CFAP99: variants seen among roughly 807,000 people sequenced by gnomAD.
CFAP99 encodes the protein cilia and flagella associated protein 99.
CFAP99 carries 84 observed loss-of-function variants against 82.7 expected under a neutral mutation model. The ratio of observed to expected loss-of-function variants is 1.02; its 90% confidence interval spans 0.85 to 1.22. The LOEUF (loss-of-function observed/expected upper bound fraction) is 1.22, where lower values mean the gene tolerates loss of function less well. Among genes scored for constraint, CFAP99 ranks in the 50% most tolerant of loss-of-function variants. The pLI, the probability that CFAP99 is intolerant of heterozygous loss-of-function variation, is 0.00. For synonymous variants in CFAP99, 456 were observed against 429.5 expected (o/e 1.06, Z -0.76); for missense variants, 1,059 against 983.5 (o/e 1.08, Z -1.03).
At chr4:2,437,670 C>T (rs1191169138) in intron 3 of CFAP99, among the ~76,000 whole-genome samples, 3 of 152,312 alleles carry the variant, frequency 2.0e-5, no homozygotes, top group Non-Finnish European at 4.4e-5. Flanking sequence ...TGATGCGCAG[C>T]GCGTCCAGGC....
At chr4:2,444,203 G>A (rs1035459845) in intron 5 of CFAP99, among the ~76,000 whole-genome samples, 1 of 152,106 alleles carries the variant, frequency 6.6e-6, no homozygotes, top group Non-Finnish European at 1.5e-5. Flanking sequence ...CCTACCTTGT[G>A]CCCCAGGCTA....
chr4:2,454,581 CTTTTTTTTTTTTGTTTT>C (rs1459688913), intron 11 of CFAP99, among the ~76,000 whole-genome samples: 5 of 94,728 alleles, frequency 5.3e-5, no homozygotes, highest in Admixed American at 1.1e-4. Context: ...TGTTTTTTTT[CTTTTTTTTTTTTGTTTT>C]TTTTTTTTTT....
At chr4:2,459,151 G>A in exon 13 of CFAP99, 1 of 1,535,130 alleles carries the variant, frequency 6.5e-7, no homozygotes, top group Non-Finnish European at 8.7e-7. Flanking sequence ...GCAGCGCAGG[G>A]CGCAGGCAGC....
intron 11 of CFAP99, among the ~76,000 whole-genome samples, chr4:2,454,923 C>A (rs1031351247): frequency 4.0e-5 from 6 of 149,504 alleles, no homozygotes; most frequent in Non-Finnish European, 1.5e-5. Flanking sequence ...TGCCCGGCCA[C>A]AGTTTTTCTT....
intron 14 of CFAP99, among the ~76,000 whole-genome samples, chr4:2,460,487 G>A (rs531811122): frequency 6.6e-6 from 1 of 152,322 alleles, no homozygotes; most frequent in South Asian, 2.1e-4. Flanking sequence ...TTTGCACCCA[G>A]CTCATGGGTC....
Position 2,436,251 on chromosome 4 carries a change from G to A in CFAP99, c.112-623G>A, listed in dbSNP as rs371903084. Among the ~76,000 whole-genome samples, 28 of 152,040 alleles carry A rather than the reference G, an allele frequency of 1.8e-4. No individual in the cohort carries two copies. The East Asian group carries it at 3.7e-3, about 20-fold the overall frequency. On this transcript the variant is annotated intron_variant, in intron 2 of 14. Transcript: ENST00000635017. ...ACTCCAGGCATGCACCACCATACCC[G>A]GCTAAGTTTACACTTGACACGCCCT... is the stretch of plus-strand genomic sequence containing the variant.
intron 2 of CFAP99, among the ~76,000 whole-genome samples, chr4:2,432,077 A>G (rs566644651): frequency 4.9e-4 from 74 of 152,362 alleles, no homozygotes; most frequent in Admixed American, 4.8e-3. Flanking sequence ...GTCTGCAGAC[A>G]GGCAGTCTAG....
intron 11 of CFAP99, among the ~76,000 whole-genome samples, chr4:2,452,628 C>T (rs1734332457): frequency 6.6e-6 from 1 of 152,238 alleles, no homozygotes; most frequent in African/African-American, 2.4e-5. Context: ...TGTATACTCT[C>T]TCCTGGGACG....
At chr4:2,461,496 C>T (rs759343425) in intron 14 of CFAP99, among the ~76,000 whole-genome samples, 3 of 152,210 alleles carry the variant, frequency 2.0e-5, no homozygotes, top group Non-Finnish European at 4.4e-5. Flanking sequence ...TGGTGCTGTA[C>T]AGGGCGGGCT....
At chr4:2,436,032 C>T (rs574074478) in intron 2 of CFAP99, among the ~76,000 whole-genome samples, 5 of 151,148 alleles carry the variant, frequency 3.3e-5, no homozygotes, top group Non-Finnish European at 5.9e-5. Context: ...GTGATTCTGC[C>T]ACTGCACTCC....
intron 14 of CFAP99, 69 bp downstream of exon 14, chr4:2,460,311 C>T (rs1734591593): frequency 2.8e-6 from 4 of 1,410,528 alleles, no homozygotes; most frequent in Non-Finnish European, 3.9e-6. Context: ...GCCTTGCACC[C>T]TCCTGGGTGG....
chr4:2,462,993 C>A (rs1465977492), downstream of CFAP99: 4 of 926,702 alleles, frequency 4.3e-6, no homozygotes, highest in Non-Finnish European at 5.6e-6. The surrounding 1 kb of genome is among the most constrained non-coding windows in gnomAD (Gnocchi z 4.1). Context: ...ATAAAGAGTG[C>A]GGCCCGCGGT....
chr4:2,440,746 C>A (rs1185134003), intron 4 of CFAP99, among the ~76,000 whole-genome samples: 1 of 151,774 alleles, frequency 6.6e-6, no homozygotes, highest in African/African-American at 2.4e-5. Flanking sequence ...GCGCCCGCCA[C>A]CACACCTGGC....
intron 2 of CFAP99, 62 bp from the exon 3 acceptor site, chr4:2,436,812 C>A (rs993063125): frequency 1.8e-5 from 25 of 1,392,728 alleles, no homozygotes; most frequent in Non-Finnish European, 2.5e-5. Flanking sequence ...AGTGTCCCAC[C>A]CCCACCGCCG....
intron 1 of CFAP99, among the ~76,000 whole-genome samples, chr4:2,425,536 C>T (rs1319963499): frequency 2.0e-5 from 3 of 152,236 alleles, no homozygotes; most frequent in East Asian, 3.9e-4. Context: ...CCCACTGTCC[C>T]CAACTTTGGT....
rs1257329857 is a variant in CFAP99 at position 2,437,050 on chromosome 4, C to T, written c.256+32C>T. The T allele has an allele frequency of 3.3e-6, 5 of 1,535,146 alleles. No homozygotes were observed. In the African/African-American group the frequency reaches 4.1e-5, roughly 13 times the overall value. ...GCCTGGCTGGTCCCCAGGGCCAGGC[C>T]GTAGAGACGGTTCACTCAGGCTCTC... On this transcript the variant is annotated intron_variant, in intron 3 of 14. Transcript: ENST00000635017.
intron 5 of CFAP99, among the ~76,000 whole-genome samples, chr4:2,444,064 G>A (rs757068946): frequency 1.8e-4 from 28 of 152,124 alleles, no homozygotes; most frequent in Non-Finnish European, 3.2e-4. Context: ...GATGGAAGCC[G>A]TTCCTGTGGG....
At chr4:2,436,783 C>T in intron 2 of CFAP99, 91 bp from the exon 3 acceptor site, 1 of 1,080,142 alleles carries the variant, frequency 9.3e-7, no homozygotes, top group Non-Finnish European at 1.3e-6. Context: ...CGGGGCCGCT[C>T]CACCCCTGCC....
downstream of CFAP99, chr4:2,462,955 C>A: frequency 8.3e-7 from 1 of 1,210,016 alleles, no homozygotes; most frequent in Middle Eastern, 3.2e-4. The surrounding 1 kb of genome is among the most constrained non-coding windows in gnomAD (Gnocchi z 4.1). Context: ...CACCCGCTTG[C>A]GGGCCACCCC....
Sources: gnomAD v4.1 joint callset for allele counts (sites outside exome capture counted in the v4.1 genomes callset) on GRCh38, gnomAD v4.1.1 for gene constraint, Gnocchi (gnomAD v3.1) non-coding constraint, MANE v1.5 for transcripts, NCBI Gene and HGNC (gene_info 2026-07-23, HGNC 2026-07-21) for gene names.